ATP2B1: variants seen among roughly 807,000 people sequenced by gnomAD.
ATP2B1 encodes the protein ATPase plasma membrane Ca2+ transporting 1, also known as plasma membrane calcium-transporting ATPase 1.
Under a neutral mutation model 124.2 loss-of-function variants are expected in ATP2B1, and 14 were observed. The observed-to-expected ratio is 0.11, with a 90% CI of 0.07 to 0.18. The LOEUF is 0.18. ATP2B1 is among the 10% of genes least tolerant of loss of function. The pLI, the probability that ATP2B1 is intolerant of heterozygous loss-of-function variation, is 1.00. For synonymous variants in ATP2B1, 449 were observed against 492.4 expected (o/e 0.91, Z 1.17); for missense variants, 763 against 1,466.1 (o/e 0.52, Z 7.83).
chr12:89,683,528 A>G (rs1035985127), intron 1 of ATP2B1, among the ~76,000 whole-genome samples: 12 of 152,228 alleles, frequency 7.9e-5, no homozygotes, highest in African/African-American at 2.7e-4. Context: ...CAATATCAGC[A>G]GTCATCCCAG....
chr12:89,652,558 C>T (rs934113560), intron 2 of ATP2B1, among the ~76,000 whole-genome samples: 1 of 152,200 alleles, frequency 6.6e-6, no homozygotes, highest in Non-Finnish European at 1.5e-5. Context: ...AGAGTACTTG[C>T]TGTCTAGTTC....
intron 20 of ATP2B1, among the ~76,000 whole-genome samples, chr12:89,597,528 G>A (rs1915109): frequency 0.77 from 116,556 of 151,984 alleles, 44,999 homozygotes; most frequent in East Asian, 0.97. Context: ...AAGTAAATAC[G>A]GAAAAAACAG....
intron 1 of ATP2B1, among the ~76,000 whole-genome samples, chr12:89,663,056 C>T (rs1886888002): frequency 1.3e-5 from 2 of 152,184 alleles, no homozygotes; most frequent in Admixed American, 6.5e-5. Flanking sequence ...AACCCCAGCA[C>T]TGTCTGGAAC....
chr12:89,627,566 A>G (rs534294631), intron 7 of ATP2B1, 112 bp downstream of exon 7: 3 of 1,171,238 alleles, frequency 2.6e-6, no homozygotes, highest in African/African-American at 1.5e-5. Flanking sequence ...GCTAACGTAT[A>G]TTGTTGATTT....
intron 1 of ATP2B1, among the ~76,000 whole-genome samples, chr12:89,663,426 G>T (rs2136440542): frequency 6.6e-6 from 1 of 152,244 alleles, no homozygotes; most frequent in East Asian, 1.9e-4. Context: ...ATTTCATACA[G>T]CCTGAAAGAA....
intron 9 of ATP2B1, among the ~76,000 whole-genome samples, chr12:89,623,717 TG>T (rs1409221121): frequency 6.6e-6 from 1 of 152,242 alleles, no homozygotes; most frequent in Non-Finnish European, 1.5e-5. Context: ...AAGGCCAGAC[TG>T]GCAGGGCCCT....
intron 1 of ATP2B1, among the ~76,000 whole-genome samples, chr12:89,703,274 A>C (rs543980816): frequency 2.6e-5 from 4 of 152,244 alleles, no homozygotes; most frequent in Non-Finnish European, 5.9e-5. Context: ...TATTAGATAA[A>C]ATAGTTCCAA....
rs538852565 is a variant in ATP2B1 at position 89,600,710 on chromosome 12, G to A, written c.3168+616C>T. ...CTCTCCCTGGCTAGAGTGCAATGGC[G>A]CGATCTTGGCTCACTGCAACCTCTG... On this transcript the variant is annotated intron_variant, in intron 19 of 20. Coordinates refer to ENST00000428670, the MANE Select transcript of ATP2B1 (RefSeq NM_001366521.1). Among the ~76,000 whole-genome samples the A allele has an allele frequency of 1.4e-4, 21 of 149,920 alleles. 1 individual carries two copies. In the South Asian group the frequency reaches 3.2e-3, roughly 23 times the overall value.
chr12:89,596,279 A>T (rs915846041), intron 20 of ATP2B1, among the ~76,000 whole-genome samples: 2 of 152,134 alleles, frequency 1.3e-5, no homozygotes, highest in African/African-American at 4.8e-5. Context: ...TATGAAGCTA[A>T]TCAGTAGCAA....
rs1353482659 is a variant in ATP2B1 at position 89,656,071 on chromosome 12, G to A, written c.-185C>T. The A allele has an allele frequency of 1.1e-5, 6 of 560,574 alleles. No individual in the cohort carries two copies. The East Asian group carries it at 1.7e-4, about 16-fold the overall frequency. 34.7% of individuals were successfully genotyped at this position (560,574 alleles called of 1,614,324 possible). On this transcript the variant is annotated 5_prime_UTR_variant, in exon 2 of 21. Coordinates refer to ENST00000428670, the MANE Select transcript of ATP2B1 (RefSeq NM_001366521.1). ...AGAAGTATCTTGACCTTTGGCCCAT[G>A]ACTAGTTTCTCCATATCAATCATGA...
chr12:89,647,999 C>T (rs952318405), intron 2 of ATP2B1, among the ~76,000 whole-genome samples: 56 of 152,184 alleles, frequency 3.7e-4, no homozygotes, highest in African/African-American at 1.3e-3. Context: ...CAGTGCCATG[C>T]TACCTGTATA....
rs1366420467 is a variant in ATP2B1, at chr12:89,640,668, T to A, written c.406+1490A>T. Among the ~76,000 whole-genome samples, 4 of 152,276 alleles carry A rather than the reference T, an allele frequency of 2.6e-5. No homozygotes were observed. The East Asian group carries it at 7.7e-4, about 29-fold the overall frequency. On this transcript the variant is annotated intron_variant, in intron 3 of 20. Transcript: ENST00000428670. The stretch of plus-strand genomic sequence containing the variant: ...TCATGCTGAAATATGATCCCTAGTG[T>A]TGAAAGCAGGGCCTAAGGGGAGGTG...
intron 1 of ATP2B1, among the ~76,000 whole-genome samples, chr12:89,663,980 A>T (rs1249457720): frequency 6.6e-6 from 1 of 152,260 alleles, no homozygotes; most frequent in Non-Finnish European, 1.5e-5. Flanking sequence ...TAGTCAGAGT[A>T]AACGAGATTC....
chr12:89,603,649 C>A lies in ATP2B1; in HGVS notation c.2848+63G>T. On this transcript the variant is annotated intron_variant, in intron 17 of 20. Coordinates refer to ENST00000428670, the MANE Select transcript of ATP2B1 (RefSeq NM_001366521.1). This position sits in a 1 kb window ranked among gnomAD's most constrained non-coding sequence, Gnocchi z 4.3. The stretch of plus-strand genomic sequence containing the variant: ...TTGAAAATTTGTAACATTATAACAT[C>A]TTGGATGATTAGCTTGGAAAAGAAA... 6.6e-7 allele frequency: 1 copy of A among 1,524,318 alleles called. No individual in the cohort carries two copies. Among genetic ancestry groups the A allele is most frequent in the South Asian group, 1.1e-5 (1 of 87,826 alleles). The allele number at this position is 1,524,318 out of a possible 1,614,324, so 94.4% of individuals were successfully genotyped here.
chr12:89,626,433 A>AT (rs1189065176), intron 8 of ATP2B1, 21 bp downstream of exon 8: 1 of 1,566,764 alleles, frequency 6.4e-7, no homozygotes, highest in East Asian at 2.3e-5. Context: ...AAAACACTTT[A>AT]TTTTCTTCTC....
chr12:89,598,576 G>A, intron 20 of ATP2B1: 2 of 1,609,274 alleles, frequency 1.2e-6, no homozygotes, highest in Non-Finnish European at 1.7e-6. Context: ...ATGCACTTAG[G>A]AACACACACT....
chr12:89,675,039 A>T (rs1432535229), intron 1 of ATP2B1, among the ~76,000 whole-genome samples: 1 of 152,224 alleles, frequency 6.6e-6, no homozygotes, highest in East Asian at 1.9e-4. Flanking sequence ...GTATTTCAGA[A>T]ACTCGAGATA....
intron 2 of ATP2B1, 52 bp from the exon 3 acceptor site, chr12:89,642,407 AAT>A: frequency 6.7e-7 from 1 of 1,503,666 alleles, no homozygotes; most frequent in East Asian, 2.3e-5. Context: ...TACAAATGAA[AAT>A]ATATAGTTTT....
At chr12:89,628,308 G>A (rs550989888) in intron 6 of ATP2B1, among the ~76,000 whole-genome samples, 2 of 151,432 alleles carry the variant, frequency 1.3e-5, no homozygotes, top group African/African-American at 4.8e-5. Context: ...AGGTTGAGGC[G>A]GGAGAGTTGC....
Sources: gnomAD v4.1 joint callset for allele counts (sites outside exome capture counted in the v4.1 genomes callset) on GRCh38, gnomAD v4.1.1 for gene constraint, Gnocchi (gnomAD v3.1) non-coding constraint, MANE v1.5 for transcripts, NCBI Gene and HGNC (gene_info 2026-07-23, HGNC 2026-07-21) for gene names.